Variants in FXR1 observed in about 807,000 individuals in gnomAD.
FXR1 encodes the protein RNA-binding protein FXR1.
A neutral mutation model predicts 84.0 loss-of-function variants in FXR1; 15 were observed. That is an observed-to-expected ratio of 0.18 (90% confidence interval 0.12 to 0.27). The LOEUF (loss-of-function observed/expected upper bound fraction) is 0.27, where lower values mean the gene tolerates loss of function less well. Among genes scored for constraint, FXR1 ranks in the 10% least tolerant of loss-of-function variants. The pLI, the probability that FXR1 is intolerant of heterozygous loss-of-function variation, is 1.00. For synonymous variants in FXR1, 245 were observed against 250.7 expected, an observed-to-expected ratio of 0.98 and a Z score of 0.21; for missense variants, 480 against 774.4, an observed-to-expected ratio of 0.62 and a Z score of 4.51.
chr3:180,961,373 G>A, intron 10 of FXR1, 95 bp from the exon 11 acceptor site: 1 of 272,210 alleles, frequency 3.7e-6, no homozygotes, highest in Admixed American at 4.9e-5. Context: ...AAAAAGGTGT[G>A]TGTGTGTGTG....
chr3:180,924,051 C>A (rs763815352), intron 1 of FXR1, among the ~76,000 whole-genome samples: 7 of 152,054 alleles, frequency 4.6e-5, no homozygotes, highest in Non-Finnish European at 7.4e-5. Flanking sequence ...CTCTGCCTCT[C>A]GGGTTCAAGT....
At chr3:180,951,260 T>G (rs892189752) in intron 7 of FXR1, 38 bp from the exon 8 acceptor site, 2 of 1,327,624 alleles carry the variant, frequency 1.5e-6, no homozygotes, top group Non-Finnish European at 2.1e-6. Context: ...CATTTTGTAT[T>G]TTGATCTTTT....
Position 180,976,973 on chromosome 3 carries a change from G to A in FXR1, c.*681G>A, listed in dbSNP as rs1440791917. Reference sequence around the variant, plus strand: ...TAAAACACTAAGCTGAATTAGTCATGTCCATTCAGACATAACCTGAACTAC... The same window carrying A: ...TAAAACACTAAGCTGAATTAGTCATATCCATTCAGACATAACCTGAACTAC... On this transcript the variant is annotated 3_prime_UTR_variant, in exon 17 of 17. Coordinates refer to ENST00000357559, the MANE Select transcript of FXR1 (RefSeq NM_005087.4). 6.6e-6 allele frequency: 1 copy of A among 152,248 alleles called. No individual in the cohort carries two copies. Among genetic ancestry groups the A allele is most frequent in the African/African-American group, 2.4e-5 (1 of 41,346 alleles). The allele number at this position is 152,248 out of a possible 1,614,324, so 9.4% of individuals were successfully genotyped here.
chr3:180,925,500 G>C (rs960341691), intron 1 of FXR1, among the ~76,000 whole-genome samples: 1 of 151,978 alleles, frequency 6.6e-6, no homozygotes, highest in Non-Finnish European at 1.5e-5. Context: ...ATAAGAAACC[G>C]CGGTCATTCC....
At chr3:180,948,092 TG>T in intron 4 of FXR1, 156 bp downstream of exon 4, 1 of 613,766 alleles carries the variant, frequency 1.6e-6, no homozygotes, top group Non-Finnish European at 2.9e-6. Context: ...TTTCTGTTTG[TG>T]TTCTGTATTG....
At chr3:180,932,225 TCTTA>T (rs1720020941) in intron 1 of FXR1, among the ~76,000 whole-genome samples, 1 of 152,122 alleles carries the variant, frequency 6.6e-6, no homozygotes, top group Non-Finnish European at 1.5e-5. Context: ...TTCATTTTTG[TCTTA>T]CTTTGACCAG....
At chr3:180,931,404 A>T (rs1279507434) in intron 1 of FXR1, among the ~76,000 whole-genome samples, 1 of 151,988 alleles carries the variant, frequency 6.6e-6, no homozygotes. Context: ...TTTTTAGAAG[A>T]GATGGAGTTT....
At chr3:180,922,305 CTTTTT>C (rs954118358) in intron 1 of FXR1, among the ~76,000 whole-genome samples, 1 of 152,100 alleles carries the variant, frequency 6.6e-6, no homozygotes, top group African/African-American at 2.4e-5. Context: ...GCAGCTTTTT[CTTTTT>C]ATCTGGGCCA....
chr3:180,916,649 C>T (rs747369125), intron 1 of FXR1, among the ~76,000 whole-genome samples: 1 of 152,150 alleles, frequency 6.6e-6, no homozygotes, highest in South Asian at 2.1e-4. Context: ...GTCAAATGAT[C>T]GCCCTCCTCG....
intron 3 of FXR1, among the ~76,000 whole-genome samples, chr3:180,938,542 AT>A (rs1447368079): frequency 6.6e-6 from 1 of 151,722 alleles, no homozygotes; most frequent in Non-Finnish European, 1.5e-5. Flanking sequence ...GCTGAGTTTT[AT>A]TTTTTTATTT....
chr3:180,954,759 TATA>T (rs1722571076), intron 9 of FXR1, among the ~76,000 whole-genome samples: 3 of 152,104 alleles, frequency 2.0e-5, no homozygotes, highest in African/African-American at 7.2e-5. Context: ...GTTCCATTTA[TATA>T]ATGCGGCCTG....
At chr3:180,951,158 G>A (rs1311372346) in intron 7 of FXR1, 140 bp from the exon 8 acceptor site, 4 of 588,126 alleles carry the variant, frequency 6.8e-6, no homozygotes, top group Non-Finnish European at 1.2e-5. Context: ...AGGAGATTGA[G>A]TTGGCAGTGA....
intron 13 of FXR1, 25 bp downstream of exon 13, chr3:180,963,115 T>G: frequency 1.0e-6 from 1 of 1,003,940 alleles, no homozygotes; most frequent in Non-Finnish European, 1.5e-6. Context: ...TTTTTTTTTT[T>G]TTTTGGTAAT....
intron 1 of FXR1, among the ~76,000 whole-genome samples, chr3:180,920,537 A>C (rs1315117259): frequency 8.2e-5 from 10 of 122,456 alleles, no homozygotes; most frequent in African/African-American, 3.3e-4. Context: ...TTTTTTTTTG[A>C]GTCTAGCTCT....
intron 1 of FXR1, chr3:180,933,088 A>T (rs988362472): frequency 6.7e-6 from 3 of 449,460 alleles, no homozygotes; most frequent in Non-Finnish European, 1.2e-5. Flanking sequence ...TGTTCCAGGG[A>T]TGTACATTTA....
chr3:180,953,265 T>TAA (rs1250230001), intron 8 of FXR1, among the ~76,000 whole-genome samples: 1 of 152,202 alleles, frequency 6.6e-6, no homozygotes, highest in Non-Finnish European at 1.5e-5. Flanking sequence ...CATTAGAAAT[T>TAA]ATGAATTTTG....
intron 1 of FXR1, among the ~76,000 whole-genome samples, chr3:180,925,118 C>T (rs895976281): frequency 2.0e-5 from 3 of 152,050 alleles, no homozygotes; most frequent in Non-Finnish European, 2.9e-5. Context: ...AATCCCAGCA[C>T]TTTGGGGGCT....
At chr3:180,941,119 TA>T (rs542848538) in intron 3 of FXR1, among the ~76,000 whole-genome samples, 193 of 152,050 alleles carry the variant, frequency 1.3e-3, no homozygotes, top group African/African-American at 4.5e-3. Context: ...GAAATTGGAT[TA>T]AAAAAGAGAA....
Position 180,977,395 on chromosome 3 carries a change from A to G in FXR1, c.*1103A>G, listed in dbSNP as rs569448071. The G allele has an allele frequency of 2.6e-5, 4 of 152,032 alleles. No individual in the cohort carries two copies. The South Asian group carries it at 8.3e-4, about 32-fold the overall frequency. 9.4% of individuals were successfully genotyped at this position (152,032 alleles called of 1,614,324 possible). On this transcript the variant is annotated 3_prime_UTR_variant, in exon 17 of 17. Coordinates refer to ENST00000357559, the MANE Select transcript of FXR1 (RefSeq NM_005087.4). ...AATACATGTGATAATTAGCAAAAAA[A>G]CCTAACAAAATTCTAATCAAAGGCA...
Sources: allele counts gnomAD v4.1 joint callset (sites outside exome capture counted in the v4.1 genomes callset), GRCh38; gene constraint gnomAD v4.1.1; transcripts MANE v1.5; gene names NCBI Gene and HGNC (gene_info 2026-07-23, HGNC 2026-07-21).